The following MARCHF11 variants were observed in gnomAD, a reference collection of about 807,000 sequenced individuals.
MARCHF11 encodes the protein E3 ubiquitin-protein ligase MARCHF11.
MARCHF11 carries 29 observed loss-of-function variants against 37.3 expected under a neutral mutation model. That is an observed-to-expected ratio of 0.78 (90% CI 0.58 to 1.06). The LOEUF (loss-of-function observed/expected upper bound fraction) is 1.06, where lower values mean the gene tolerates loss of function less well. Among genes scored for constraint, MARCHF11 ranks in the 50% least tolerant of loss-of-function variants. MARCHF11 has a pLI of 0.00. For synonymous variants in MARCHF11, 233 were observed against 228.0 expected, an observed-to-expected ratio of 1.02 and a Z score of -0.20; for missense variants, 482 against 533.4, an observed-to-expected ratio of 0.90 and a Z score of 0.95.
At chr5:16,084,207 G>A (rs1290567970) in intron 3 of MARCHF11, among the ~76,000 whole-genome samples, 1 of 152,130 alleles carries the variant, frequency 6.6e-6, no homozygotes, top group African/African-American at 2.4e-5. Context: ...TATTTATTAT[G>A]CTGAAATTCT....
chr5:16,127,210 G>C (rs776685853), intron 2 of MARCHF11, among the ~76,000 whole-genome samples: 6 of 152,324 alleles, frequency 3.9e-5, no homozygotes, highest in Middle Eastern at 3.4e-3. Flanking sequence ...CTGAGTTTCA[G>C]GCACAGAACA....
chr5:16,135,822 A>G (rs1232878652), intron 2 of MARCHF11, among the ~76,000 whole-genome samples: 1 of 151,810 alleles, frequency 6.6e-6, no homozygotes, highest in Admixed American at 6.6e-5. Flanking sequence ...ATGTGGAAAA[A>G]TACATCAAAG....
intron 3 of MARCHF11, among the ~76,000 whole-genome samples, chr5:16,070,806 G>T (rs74938188): frequency 1.3e-5 from 2 of 152,172 alleles, no homozygotes; most frequent in African/African-American, 4.8e-5. Context: ...TTTAATTGCC[G>T]TAGGTTATGA....
chr5:16,140,716 G>A (rs1020730007), intron 2 of MARCHF11, among the ~76,000 whole-genome samples: 10 of 152,048 alleles, frequency 6.6e-5, no homozygotes, highest in African/African-American at 2.2e-4. Context: ...CTAAATCTAT[G>A]CAAACAAAAT....
chr5:16,101,205 C>T (rs1198994334), intron 2 of MARCHF11, among the ~76,000 whole-genome samples: 1 of 152,026 alleles, frequency 6.6e-6, no homozygotes, highest in African/African-American at 2.4e-5. Context: ...CTTATTAGTC[C>T]AGATTTAACA....
At chr5:16,166,334 C>A (rs1156834946) in intron 2 of MARCHF11, among the ~76,000 whole-genome samples, 1 of 151,868 alleles carries the variant, frequency 6.6e-6, no homozygotes, top group Non-Finnish European at 1.5e-5. Context: ...AATACTGAAC[C>A]CCCTCAACAG....
chr5:16,118,410 AG>A (rs1353531854), intron 2 of MARCHF11, among the ~76,000 whole-genome samples: 1 of 144,764 alleles, frequency 6.9e-6, no homozygotes, highest in Non-Finnish European at 1.5e-5. Context: ...AATAAGAGGC[AG>A]GGGGGGAATG....
intron 2 of MARCHF11, chr5:16,140,882 T>C (rs146317177): frequency 2.6e-5 from 4 of 152,248 alleles, no homozygotes; most frequent in African/African-American, 7.2e-5. Flanking sequence ...TCAGAATTCT[T>C]AATAAAATAG....
chr5:16,148,952 A>G (rs1052326551), intron 2 of MARCHF11, among the ~76,000 whole-genome samples: 2 of 152,144 alleles, frequency 1.3e-5, no homozygotes, highest in Non-Finnish European at 2.9e-5. Context: ...CTTTCATTTG[A>G]TATTATAGTA....
rs1387927627 is a variant in MARCHF11, at chr5:16,179,765, G to A, written c.-190C>T. 7.4e-6 allele frequency: 2 copies of A among 269,672 alleles called. No individual in the cohort carries two copies. Among genetic ancestry groups the A allele is most frequent in the Non-Finnish European group, 1.3e-5 (2 of 152,694 alleles). 16.7% of individuals were successfully genotyped at this position (269,672 alleles called of 1,614,324 possible). ...AGCTGCGGCGGCGGCAGGCGCGGCC[G>A]TTCGGTGGAGCCGCCGGCTCGGCTC... is the stretch of plus-strand genomic sequence containing the variant. On this transcript the variant is annotated 5_prime_UTR_variant, in exon 1 of 4. It adds an upstream start codon to the 5' untranslated region. Coordinates refer to ENST00000332432, the MANE Select transcript of MARCHF11 (RefSeq NM_001102562.3).
rs183105227 is a variant in MARCHF11, at chr5:16,101,763, C to T, written c.694-10682G>A. On this transcript the variant is annotated intron_variant, in intron 2 of 3. Coordinates refer to ENST00000332432, the MANE Select transcript of MARCHF11 (RefSeq NM_001102562.3). ...TATTTAAACTCTCAACAGGCTATTG[C>T]TGTTTTCAACCTTGCTTTTGGAGCA... Among the ~76,000 whole-genome samples the T allele has an allele frequency of 3.3e-5, 5 of 152,340 alleles. No homozygotes were observed. The East Asian group carries it at 9.6e-4, about 29-fold the overall frequency.
At chr5:16,118,053 A>T (rs1017404009) in intron 2 of MARCHF11, among the ~76,000 whole-genome samples, 1 of 152,214 alleles carries the variant, frequency 6.6e-6, no homozygotes, top group African/African-American at 2.4e-5. Flanking sequence ...CAGCTAAAAG[A>T]TGGGTAAGAA....
At chr5:16,129,961 T>C (rs1230524729) in intron 2 of MARCHF11, among the ~76,000 whole-genome samples, 1 of 152,150 alleles carries the variant, frequency 6.6e-6, no homozygotes, top group African/African-American at 2.4e-5. Context: ...ATTTATGCTA[T>C]GAAATCTGAA....
At chr5:16,096,413 T>C (rs1485011239) in intron 2 of MARCHF11, among the ~76,000 whole-genome samples, 2 of 152,360 alleles carry the variant, frequency 1.3e-5, no homozygotes, top group East Asian at 1.9e-4. Context: ...GGATATTATG[T>C]AATATTCTCT....
intron 3 of MARCHF11, among the ~76,000 whole-genome samples, chr5:16,081,995 C>T (rs1407771406): frequency 6.6e-6 from 1 of 152,108 alleles, no homozygotes; most frequent in Non-Finnish European, 1.5e-5. Flanking sequence ...TCTTTAGAGA[C>T]ATCAGTGAAC....
chr5:16,079,088 C>A (rs1046660795), intron 3 of MARCHF11, among the ~76,000 whole-genome samples: 1 of 152,196 alleles, frequency 6.6e-6, no homozygotes, highest in Non-Finnish European at 1.5e-5. Context: ...CCTGAGCCTG[C>A]TCCATCCCCC....
At chr5:16,129,370 T>C (rs1471482800) in intron 2 of MARCHF11, 1 of 152,302 alleles carries the variant, frequency 6.6e-6, no homozygotes, top group East Asian at 1.9e-4. Flanking sequence ...TTGGTTATAT[T>C]GGCATTGCTC....
At chr5:16,147,322 C>T (rs539440058) in intron 2 of MARCHF11, among the ~76,000 whole-genome samples, 3 of 152,236 alleles carry the variant, frequency 2.0e-5, no homozygotes, top group African/African-American at 7.2e-5. Flanking sequence ...GCATTATGGG[C>T]TTCATTTCAT....
chr5:16,143,080 T>A (rs344700), intron 2 of MARCHF11, among the ~76,000 whole-genome samples: 3 of 151,714 alleles, frequency 2.0e-5, no homozygotes, highest in African/African-American at 7.3e-5. Flanking sequence ...TAGTATCAGA[T>A]CTTAAACAGG....
Sources: allele counts gnomAD v4.1 joint callset (sites outside exome capture counted in the v4.1 genomes callset), GRCh38; gene constraint gnomAD v4.1.1; transcripts MANE v1.5; gene names NCBI Gene and HGNC (gene_info 2026-07-23, HGNC 2026-07-21).